Variants in F13A1 observed in about 807,000 individuals in gnomAD.
The protein encoded by F13A1 is FSF, A subunit.
Under a neutral mutation model 80.1 loss-of-function variants are expected in F13A1, and 47 were observed. The ratio of observed to expected loss-of-function variants is 0.59; its 90% CI spans 0.46 to 0.75. The LOEUF is 0.75. Ranked by LOEUF, F13A1 falls within the 30% of genes least tolerant of loss-of-function variation. The pLI, the probability that F13A1 is intolerant of heterozygous loss-of-function variation, is 0.00. For synonymous variants in F13A1, 349 were observed against 344.9 expected (o/e 1.01, Z -0.13); for missense variants, 817 against 930.4 (o/e 0.88, Z 1.59).
At chr6:6,279,384 A>G (rs1381848910) in intron 3 of F13A1, among the ~76,000 whole-genome samples, 2 of 152,236 alleles carry the variant, frequency 1.3e-5, no homozygotes, top group Non-Finnish European at 2.9e-5. Context: ...TTTCACAGTT[A>G]TAAACCAAAC....
chr6:6,161,524 A>ATGTGTGTG (rs143895728), intron 13 of F13A1, among the ~76,000 whole-genome samples: 9,084 of 132,926 alleles, frequency 0.068, 359 homozygotes, highest in Middle Eastern at 0.11. Flanking sequence ...CAGAGAGAGG[A>ATGTGTGTG]TGTGTGTGTG....
At chr6:6,280,012 C>T (rs1758039136) in intron 3 of F13A1, among the ~76,000 whole-genome samples, 1 of 151,992 alleles carries the variant, frequency 6.6e-6, no homozygotes. Flanking sequence ...TATATAAAAG[C>T]AAGTGTTAAA....
intron 8 of F13A1, 39 bp from the exon 9 acceptor site, chr6:6,197,365 C>T: frequency 1.3e-6 from 2 of 1,569,842 alleles, no homozygotes; most frequent in East Asian, 2.2e-5. Context: ...AACTTCCCAT[C>T]ACACCCAATG....
At chr6:6,268,851 G>T (rs1334412394) in intron 3 of F13A1, among the ~76,000 whole-genome samples, 4 of 151,832 alleles carry the variant, frequency 2.6e-5, no homozygotes, top group African/African-American at 9.7e-5. Flanking sequence ...ACCATGCCTG[G>T]CTAACTTTTT....
intron 12 of F13A1, among the ~76,000 whole-genome samples, chr6:6,172,973 G>A (rs79175302): frequency 8.6e-4 from 131 of 152,288 alleles, no homozygotes; most frequent in African/African-American, 2.9e-3. Flanking sequence ...CCAGGGGAGC[G>A]TATTAGTTTT....
chr6:6,219,449 C>G (rs1000506870), intron 8 of F13A1, among the ~76,000 whole-genome samples: 1 of 152,156 alleles, frequency 6.6e-6, no homozygotes, highest in Non-Finnish European at 1.5e-5. Flanking sequence ...ACCTGGATGA[C>G]CTGATTTAAT....
At position 6,250,710 on chromosome 6, in the gene F13A1, G is replaced by T; in HGVS notation, c.690+101C>A. On this transcript the variant is annotated intron_variant, in intron 5 of 14. Coordinates refer to ENST00000264870, the MANE Select transcript of F13A1 (RefSeq NM_000129.4). The surrounding 1 kb of genome is among the most constrained non-coding windows in gnomAD (Gnocchi z 4.2). ...CTCAGATCCTAAAAAGCAGGAAATT[G>T]TGCTTGTCTAATATCGATATATGGG... 1 of 817,428 alleles carries T rather than the reference G, an allele frequency of 1.2e-6. No individual in the cohort carries two copies. The highest frequency in any genetic ancestry group is 2.1e-6 in the Non-Finnish European group (1 of 470,898). The allele number at this position is 817,428 out of a possible 1,614,324, so 50.6% of individuals were successfully genotyped here.
chr6:6,297,332 C>T (rs1758345643), intron 3 of F13A1, among the ~76,000 whole-genome samples: 1 of 151,682 alleles, frequency 6.6e-6, no homozygotes, highest in South Asian at 2.1e-4. Flanking sequence ...GTACCAGTTC[C>T]TCCTTGTACC....
chr6:6,160,015 G>A (rs1226473353), intron 13 of F13A1, among the ~76,000 whole-genome samples: 2 of 151,860 alleles, frequency 1.3e-5, no homozygotes, highest in African/African-American at 4.8e-5. Context: ...AGTGGCTCAC[G>A]CCTGTAATCC....
chr6:6,221,957 T>C, intron 8 of F13A1, 76 bp downstream of exon 8: 3 of 1,529,254 alleles, frequency 2.0e-6, no homozygotes, highest in Non-Finnish European at 1.8e-6. Flanking sequence ...AAACATCAGA[T>C]TGAGTCTATC....
chr6:6,161,249 C>G (rs1040793946), intron 13 of F13A1, among the ~76,000 whole-genome samples: 1 of 152,084 alleles, frequency 6.6e-6, no homozygotes, highest in African/African-American at 2.4e-5. Flanking sequence ...TTCCATGCCA[C>G]TAGGTGAGGG....
intron 2 of F13A1, among the ~76,000 whole-genome samples, chr6:6,310,557 G>T (rs12212881): frequency 0.042 from 6,442 of 152,210 alleles, 314 homozygotes; most frequent in African/African-American, 0.12. Context: ...AGCATAGTAA[G>T]AGCATAGACT....
At chr6:6,263,633 G>A (rs988668761) in intron 4 of F13A1, among the ~76,000 whole-genome samples, 3 of 152,122 alleles carry the variant, frequency 2.0e-5, no homozygotes, top group Non-Finnish European at 2.9e-5. Flanking sequence ...CTTACTTGAC[G>A]TTTTCATTTG....
chr6:6,270,288 A>G (rs1757903983), intron 3 of F13A1, among the ~76,000 whole-genome samples: 1 of 152,188 alleles, frequency 6.6e-6, no homozygotes, highest in African/African-American at 2.4e-5. Flanking sequence ...ACCATCACCT[A>G]GCTTCTCCTT....
At chr6:6,305,211 T>C in intron 3 of F13A1, 140 bp downstream of exon 3, 1 of 925,642 alleles carries the variant, frequency 1.1e-6, no homozygotes, top group Non-Finnish European at 1.7e-6. Context: ...GAGCACAGGG[T>C]AATTCAGGGG....
intron 3 of F13A1, among the ~76,000 whole-genome samples, chr6:6,298,460 A>G (rs1184963489): frequency 6.7e-6 from 1 of 149,918 alleles, no homozygotes; most frequent in Non-Finnish European, 1.5e-5. Flanking sequence ...AATTTAGGAG[A>G]GTTAGCTCTT....
In F13A1 at chr6:6,197,322, A is replaced by G. The variant is rs1282213947; in HGVS notation, c.1117T>C (p.Tyr373His). 1 of 1,614,046 alleles carries G rather than the reference A, an allele frequency of 6.2e-7. No individual in the cohort carries two copies. Among genetic ancestry groups the G allele is most frequent in the Non-Finnish European group, 8.5e-7 (1 of 1,179,922 alleles). The change falls in exon 9 of 15, where the codon TAC (tyrosine) becomes CAC (histidine). Residue 373 changes from tyrosine to histidine, a missense_variant. By Grantham distance (83) the Tyr-to-His change is moderately conservative. Coordinates refer to ENST00000264870, the MANE Select transcript of F13A1 (RefSeq NM_000129.4). ...SKLTKDSVWN[Y>H]HCWNEAWMTR... ...ATCCATGCTTCATTCCAGCAGTGGT[A>G]GTTCCTTAGAAAACACAAGCCCAGA...
chr6:6,285,193 G>A lies in F13A1; in HGVS notation c.320-18384C>T, dbSNP rs1045909197. Among the ~76,000 whole-genome samples, 12 of 152,290 alleles carry A rather than the reference G, an allele frequency of 7.9e-5. No homozygotes were observed. The South Asian group carries it at 1.0e-3, about 13-fold the overall frequency. On this transcript the variant is annotated intron_variant, in intron 3 of 14. Coordinates refer to ENST00000264870, the MANE Select transcript of F13A1 (RefSeq NM_000129.4). The stretch of plus-strand genomic sequence containing the variant: ...GAACCTGGGAGGCAGAGGTTGCAGT[G>A]AGCTGAGATCACGCCACTGCACTCC...
chr6:6,312,481 C>T lies in F13A1; in HGVS notation c.130+6054G>A, dbSNP rs570531611. ...GGTCAAGAGATGGAGACCATCTTGG[C>T]CAATATGGTGAAACCCAGTCTCTAC... is the stretch of plus-strand genomic sequence containing the variant. On this transcript the variant is annotated intron_variant, in intron 2 of 14. Coordinates refer to ENST00000264870, the MANE Select transcript of F13A1 (RefSeq NM_000129.4). Among the ~76,000 whole-genome samples, 37 of 66,968 alleles carry T rather than the reference C, an allele frequency of 5.5e-4. 2 individuals are homozygous for T. The highest frequency in any genetic ancestry group is 2.8e-3 in the African/African-American group (34 of 12,046). 43.9% of individuals were successfully genotyped at this position (66,968 alleles called of 152,430 possible).
Sources: gnomAD v4.1 joint callset for allele counts (sites outside exome capture counted in the v4.1 genomes callset) on GRCh38, gnomAD v4.1.1 for gene constraint, Gnocchi (gnomAD v3.1) non-coding constraint, MANE v1.5 for transcripts, NCBI Gene and HGNC (gene_info 2026-07-23, HGNC 2026-07-21) for gene names.